Variants in NME7 observed in about 807,000 individuals in gnomAD.
The protein encoded by NME7 is NME/NM23 family member 7.
Under a neutral mutation model 49.1 loss-of-function variants are expected in NME7, and 41 were observed. The observed-to-expected ratio is 0.83, with a 90% CI of 0.65 to 1.08. The LOEUF (loss-of-function observed/expected upper bound fraction) is 1.08. NME7 is among the 50% of genes least tolerant of loss of function. NME7 has a pLI of 0.00. For missense variants in NME7, 423 were observed against 463.4 expected (o/e 0.91, Z 0.80); for synonymous variants, 139 against 150.6 (o/e 0.92, Z 0.56).
In NME7 at chr1:169,303,147, GA is replaced by G; in HGVS notation, c.437del (p.Phe146SerfsTer4). ...FHVDHQSRPF[F>X]NELIQFITTG... is the part of the protein sequence containing the mutation. ...TAATCCCCAAATTAAGGACCTACTT[GA>G]AAAAGGGTCTTGACTGGTGATCTAC... On this transcript the variant is annotated frameshift_variant, in exon 5 of 12. Transcript: ENST00000367811. LOFTEE classifies it high-confidence loss of function. 8.3e-6 allele frequency: 13 copies of G among 1,567,394 alleles called. No homozygotes were observed. The highest frequency in any genetic ancestry group is 2.4e-5 in the East Asian group (1 of 42,438).
chr1:169,187,835 A>G (rs1426340957), intron 10 of NME7, among the ~76,000 whole-genome samples: 1 of 152,100 alleles, frequency 6.6e-6, no homozygotes, highest in African/African-American at 2.4e-5. Flanking sequence ...CAGCTTTTTC[A>G]TAGTGTCAGT....
intron 1 of NME7, among the ~76,000 whole-genome samples, chr1:169,359,270 A>C (rs1421176877): frequency 6.6e-6 from 1 of 151,756 alleles, no homozygotes; most frequent in African/African-American, 2.4e-5. Flanking sequence ...ATTTTTTATC[A>C]TTGTATTGTT....
In NME7 at chr1:169,303,144, C is replaced by A; in HGVS notation, c.440+1G>T. ...CACTAATCCCCAAATTAAGGACCTA[C>A]TTGAAAAAGGGTCTTGACTGGTGAT... On this transcript the variant is annotated splice_donor_variant, in intron 5 of 11. Transcript: ENST00000367811. LOFTEE classifies it high-confidence loss of function. The A allele has an allele frequency of 6.4e-7, 1 of 1,567,142 alleles. No homozygotes were observed. Among genetic ancestry groups the A allele is most frequent in the Non-Finnish European group, 8.7e-7 (1 of 1,150,668 alleles).
At position 169,364,516 on chromosome 1, in the gene NME7, G is replaced by GTC. The variant is rs1213299225; in HGVS notation, c.3+3191_3+3192insGA. 3.8e-3 allele frequency among the ~76,000 whole-genome samples: 576 copies of GTC among 152,184 alleles called. 2 individuals are homozygous for GTC. The highest frequency in any genetic ancestry group is 0.013 in the African/African-American group (560 of 41,504). ...TGACCTCAGCCTCTTCAATAGCTGG[G>GTC]ACTACACACATATGCCACCGCACCT... On this transcript the variant is annotated intron_variant, in intron 1 of 11. Coordinates refer to ENST00000367811, the MANE Select transcript of NME7 (RefSeq NM_013330.5).
intron 6 of NME7, among the ~76,000 whole-genome samples, chr1:169,293,988 A>G (rs553620193): frequency 6.6e-6 from 1 of 152,220 alleles, no homozygotes; most frequent in Non-Finnish European, 1.5e-5. Flanking sequence ...CTAACTGGTT[A>G]TTTCAAGTAT....
chr1:169,318,195 A>G (rs1262146760), intron 3 of NME7, among the ~76,000 whole-genome samples: 1 of 152,200 alleles, frequency 6.6e-6, no homozygotes, highest in Non-Finnish European at 1.5e-5. Flanking sequence ...TAAGGGATAG[A>G]GGAAATAGGA....
At position 169,144,383 on chromosome 1, in the gene NME7, A is replaced by G. The variant is rs142287533; in HGVS notation, c.1099-11566T>C. ...GAATATATTATACAACATACACACT[A>G]TTTCTTCAGCCTGGAATACTATTCT... On this transcript the variant is annotated intron_variant, in intron 11 of 11. Coordinates refer to ENST00000367811, the MANE Select transcript of NME7 (RefSeq NM_013330.5). Among the ~76,000 whole-genome samples, 575 of 152,248 alleles carry G rather than the reference A, an allele frequency of 3.8e-3. 1 individual carries two copies. Among genetic ancestry groups the G allele is most frequent in the Non-Finnish European group, 6.1e-3 (412 of 68,002 alleles).
At chr1:169,225,107 A>C (rs1218124608) in intron 10 of NME7, among the ~76,000 whole-genome samples, 3 of 152,082 alleles carry the variant, frequency 2.0e-5, no homozygotes, top group Non-Finnish European at 4.4e-5. Context: ...GATATAATAT[A>C]TAATTTTTTT....
At chr1:169,294,740 A>G (rs894099364) in intron 6 of NME7, among the ~76,000 whole-genome samples, 1 of 152,196 alleles carries the variant, frequency 6.6e-6, no homozygotes, top group Non-Finnish European at 1.5e-5. Flanking sequence ...TATTTCAGGA[A>G]CTAATGGCAG....
In NME7 at chr1:169,274,519, T is replaced by C; in HGVS notation, c.754+12784A>G. Among the ~76,000 whole-genome samples, 2 of 134,176 alleles carry C rather than the reference T, an allele frequency of 1.5e-5. 1 individual carries two copies. Among genetic ancestry groups the C allele is most frequent in the Non-Finnish European group, 3.5e-5 (2 of 57,118 alleles). 88.0% of individuals were successfully genotyped at this position (134,176 alleles called of 152,430 possible). ...GCTTTTGTTGCCATTGCTTTTGGTG[T>C]TTTAGACATGAAGTCGTCGCCTATG... is the stretch of plus-strand genomic sequence containing the variant. On this transcript the variant is annotated intron_variant, in intron 7 of 11. Coordinates refer to ENST00000367811, the MANE Select transcript of NME7 (RefSeq NM_013330.5).
At position 169,287,481 on chromosome 1, in the gene NME7, AG is replaced by A. The variant is rs1356510648; in HGVS notation, c.649-74del. The A allele has an allele frequency of 2.6e-5, 28 of 1,060,214 alleles. No individual in the cohort carries two copies. The East Asian group carries it at 7.3e-4, about 28-fold the overall frequency. The allele number at this position is 1,060,214 out of a possible 1,614,324, so 65.7% of individuals were successfully genotyped here. On this transcript the variant is annotated intron_variant, in intron 6 of 11. Coordinates refer to ENST00000367811, the MANE Select transcript of NME7 (RefSeq NM_013330.5). ...AACTTACAAGATATTTCTGTGGGGG[AG>A]GAGAATCATGCAATTACTTTTAGAG...
At chr1:169,261,325 G>A (rs1003393924) in intron 7 of NME7, among the ~76,000 whole-genome samples, 1 of 133,308 alleles carries the variant, frequency 7.5e-6, no homozygotes, top group Admixed American at 7.4e-5. Flanking sequence ...CATGAAACTG[G>A]GTTTCATTCC....
chr1:169,201,945 T>C (rs540015412), intron 10 of NME7, among the ~76,000 whole-genome samples: 6 of 152,034 alleles, frequency 3.9e-5, no homozygotes, highest in Non-Finnish European at 8.8e-5. Flanking sequence ...ACACCACAAC[T>C]TAAAAGGCAG....
At chr1:169,201,751 T>C (rs1039359383) in intron 10 of NME7, among the ~76,000 whole-genome samples, 2 of 152,152 alleles carry the variant, frequency 1.3e-5, no homozygotes, top group African/African-American at 2.4e-5. Context: ...ATTGTTCTTG[T>C]AGAGATACTA....
intron 10 of NME7, among the ~76,000 whole-genome samples, chr1:169,186,585 G>A (rs1250364975): frequency 1.3e-5 from 2 of 152,096 alleles, no homozygotes; most frequent in African/African-American, 4.8e-5. Context: ...ATGGTAGTTT[G>A]TATTTCTGTG....
chr1:169,308,019 C>CAAAAAAAAAAAAAAAAAAA (rs11410749), intron 4 of NME7, among the ~76,000 whole-genome samples: 1 of 110,058 alleles, frequency 9.1e-6, no homozygotes, highest in Non-Finnish European at 1.9e-5. Flanking sequence ...GACTCCATCT[C>CAAAAAAAAAAAAAAAAAAA]AAAAAAAAAA....
At chr1:169,180,808 C>A (rs1011365718) in intron 10 of NME7, among the ~76,000 whole-genome samples, 6 of 152,196 alleles carry the variant, frequency 3.9e-5, no homozygotes, top group African/African-American at 1.4e-4. Context: ...TTTTTACATT[C>A]TTAATTTATG....
chr1:169,331,907 T>A (rs1652269238), intron 1 of NME7, among the ~76,000 whole-genome samples: 1 of 151,992 alleles, frequency 6.6e-6, no homozygotes, highest in Admixed American at 6.6e-5. Flanking sequence ...ATCTACAGAT[T>A]CAATGCAATC....
At chr1:169,154,169 A>G (rs1658996263) in intron 11 of NME7, among the ~76,000 whole-genome samples, 1 of 151,590 alleles carries the variant, frequency 6.6e-6, no homozygotes, top group Non-Finnish European at 1.5e-5. Flanking sequence ...ACATGCCACT[A>G]CACCTGGCTA....
Sources: allele counts gnomAD v4.1 joint callset (sites outside exome capture counted in the v4.1 genomes callset), GRCh38; gene constraint gnomAD v4.1.1; transcripts MANE v1.5; gene names NCBI Gene and HGNC (gene_info 2026-07-23, HGNC 2026-07-21).